The following PINK1 variants were observed in gnomAD, a reference collection of about 807,000 sequenced individuals.
PINK1 encodes the protein PTEN induced kinase 1.
A neutral mutation model predicts 56.0 loss-of-function variants in PINK1; 58 were observed. That is an observed-to-expected ratio of 1.04 (90% CI 0.84 to 1.29). The LOEUF is 1.29. Among genes scored for constraint, PINK1 ranks in the 50% most tolerant of loss-of-function variants. The probability of loss-of-function intolerance (pLI) is 0.00; values close to 1 mark genes in which losing one functional copy is unlikely to be tolerated. For missense variants in PINK1, 745 were observed against 777.9 expected (o/e 0.96, Z 0.50); for synonymous variants, 354 against 339.3 (o/e 1.04, Z -0.48).
chr1:20,638,317 T>G, intron 2 of PINK1, 188 bp downstream of exon 2: 1 of 694,282 alleles, frequency 1.4e-6, no homozygotes, highest in Non-Finnish European at 2.4e-6. Flanking sequence ...AATTGTATTC[T>G]GCCCACAGAT....
intron 6 of PINK1, 156 bp downstream of exon 6, chr1:20,648,788 C>G: frequency 7.2e-7 from 1 of 1,384,044 alleles, no homozygotes; most frequent in Non-Finnish European, 9.9e-7. Context: ...TTTCCTCCGG[C>G]GTTCCCTCAT....
At chr1:20,633,957 G>A (rs1402955265) in intron 1 of PINK1, 22 bp downstream of exon 1, 3 of 1,574,190 alleles carry the variant, frequency 1.9e-6, no homozygotes, top group Non-Finnish European at 2.6e-6. Context: ...CGGGTCCTAA[G>A]CCGAGCGGAG....
chr1:20,649,187 G>C lies in PINK1; in HGVS notation c.1444G>C (p.Val482Leu), dbSNP rs773843241. Residue 482 changes from valine (V) to leucine (L), a missense_variant, in exon 7 of 8, where the codon GTG (valine) becomes CTG (leucine). Transcript: ENST00000321556. Reference sequence around the variant, plus strand: ...ACTGCCCGAGTCAGTGCCTCCAGACGTGAGACAGTTGGTGAGGGCACTGCT... The same window carrying C: ...ACTGCCCGAGTCAGTGCCTCCAGACCTGAGACAGTTGGTGAGGGCACTGCT... ...PALPESVPPD[V>L]RQLVRALLQR... is the part of the protein sequence containing the mutation. 17 of 1,614,064 alleles carry C rather than the reference G, an allele frequency of 1.1e-5. No homozygotes were observed. Among genetic ancestry groups the C allele is most frequent in the East Asian group, 2.2e-5 (1 of 44,880 alleles).
intron 1 of PINK1, 124 bp downstream of exon 1, chr1:20,634,059 A>G: frequency 8.4e-7 from 1 of 1,189,658 alleles, no homozygotes; most frequent in South Asian, 1.4e-5. Flanking sequence ...GGCCGAGGCG[A>G]GGGTCCTTAA....
rs1407784515 is a variant in PINK1 at position 20,641,236 on chromosome 1, C to G, written c.776+1244C>G. 6.6e-6 allele frequency among the ~76,000 whole-genome samples: 1 copy of G among 152,178 alleles called. No homozygotes were observed. The highest frequency in any genetic ancestry group is 1.9e-4 in the East Asian group (1 of 5,190). Reference sequence around the variant, plus strand: ...AGTCCCTGCAGGCCGGTGGAGGTAGCTGCTCAAGTGGCTGCTGCTTCTCCT... The same window carrying G: ...AGTCCCTGCAGGCCGGTGGAGGTAGGTGCTCAAGTGGCTGCTGCTTCTCCT... On this transcript the variant is annotated intron_variant, in intron 3 of 7. Transcript: ENST00000321556. This position sits in a 1 kb window ranked among gnomAD's most constrained non-coding sequence, Gnocchi z 4.0.
chr1:20,639,042 G>A (rs2053086611), intron 2 of PINK1: 1 of 152,372 alleles, frequency 6.6e-6, no homozygotes, highest in South Asian at 2.1e-4. Context: ...CCATTGCTAG[G>A]TAGGTTTTAA....
At chr1:20,645,443 C>G in intron 4 of PINK1, 117 bp from the exon 5 acceptor site, 1 of 1,191,302 alleles carries the variant, frequency 8.4e-7, no homozygotes, top group Non-Finnish European at 1.2e-6. Context: ...GAGCCAAGAT[C>G]GTGCTACTGC....
rs11379920 is a variant in PINK1 at position 20,645,487 on chromosome 1, C to CAA, written c.960-57_960-56dup. 0.14 allele frequency: 155,702 copies of CAA among 1,092,150 alleles called. 1,616 individuals carry two copies. The highest frequency in any genetic ancestry group is 0.21 in the East Asian group (6,957 of 33,742). 67.7% of individuals were successfully genotyped at this position (1,092,150 alleles called of 1,614,324 possible). A position where few individuals can be genotyped will look rare whatever the true frequency, so the allele number is the denominator to read the frequency against. On this transcript the variant is annotated intron_variant, in intron 4 of 7. Transcript: ENST00000321556. ...TTGGCGACAGAGTGAGACTCCATCT[C>CAA]AAAAAAAAAAAAAAAAACGTATTGG...
chr1:20,646,569 G>A (rs1240062014), intron 5 of PINK1, among the ~76,000 whole-genome samples: 6 of 152,088 alleles, frequency 3.9e-5, no homozygotes, highest in South Asian at 2.1e-4. Context: ...GCTTGAACCC[G>A]GGAGGCGGAG....
rs1280878160 is a variant in PINK1, at chr1:20,651,239, A to C, written c.*548A>C. ...GAGCAGTAAGTAAGTAAGTGTGGGG[A>C]TTTAAACTTGAGGGTTTCCCTCCTG... On this transcript the variant is annotated 3_prime_UTR_variant, in exon 8 of 8. Transcript: ENST00000321556. The C allele has an allele frequency of 1.2e-5, 2 of 171,652 alleles. No individual in the cohort carries two copies. The highest frequency in any genetic ancestry group is 5.4e-5 in the Admixed American group (1 of 18,446). 10.6% of individuals were successfully genotyped at this position (171,652 alleles called of 1,614,324 possible).
chr1:20,645,906 A>G (rs568018454), intron 5 of PINK1, among the ~76,000 whole-genome samples, 183 bp downstream of exon 5: 1 of 151,630 alleles, frequency 6.6e-6, no homozygotes, highest in African/African-American at 2.4e-5. Flanking sequence ...CTCTTTGCAG[A>G]GAGACAGCAC....
chr1:20,646,838 T>C (rs578058609), intron 5 of PINK1, among the ~76,000 whole-genome samples: 1 of 149,890 alleles, frequency 6.7e-6, no homozygotes, highest in South Asian at 2.1e-4. Context: ...AATAATTGAC[T>C]AGAGGAACTG....
chr1:20,647,563 C>T (rs1219712507), intron 5 of PINK1, among the ~76,000 whole-genome samples: 7 of 141,920 alleles, frequency 4.9e-5, no homozygotes, highest in Non-Finnish European at 7.5e-5. Context: ...CCCTGCCTAT[C>T]GGGTTCAAGC....
In PINK1 at chr1:20,633,591, C is replaced by T; in HGVS notation, c.43C>T (p.Arg15Ter). 1 of 1,245,110 alleles carries T rather than the reference C, an allele frequency of 8.0e-7. No homozygotes were observed. 77.1% of individuals were successfully genotyped at this position (1,245,110 alleles called of 1,614,324 possible). A position where few individuals can be genotyped will look rare whatever the true frequency, so the allele number is the denominator to read the frequency against. The change falls in exon 1 of 8, where the codon CGA becomes TGA. Residue 15 changes from arginine to a stop codon, truncating the protein, a stop_gained. Transcript: ENST00000321556. LOFTEE classifies it high-confidence loss of function. ...QALGRGLQLG[R>*]ALLLRFTGKP... ...GCTGGGCCGCGGCCTGCAGCTGGGT[C>T]GAGCGCTGCTGCTGCGCTTCACGGG...
Position 20,650,466 on chromosome 1 carries a change from T to C in PINK1, c.1521T>C (p.Leu507=). ...RPSARVAANV[L]HLSLWGEHIL... The stretch of plus-strand genomic sequence containing the variant: ...CTGCCCGAGTAGCCGCAAATGTGCT[T>C]CATCTAAGCCTCTGGGGTGAACATA... The change falls in exon 8 of 8, where the codon CTT becomes CTC. Residue 507 remains leucine (L), a synonymous_variant. Coordinates refer to ENST00000321556, the MANE Select transcript of PINK1 (RefSeq NM_032409.3). 6.2e-7 allele frequency: 1 copy of C among 1,614,038 alleles called. No homozygotes were observed. Among genetic ancestry groups the C allele is most frequent in the Non-Finnish European group, 8.5e-7 (1 of 1,179,932 alleles).
chr1:20,633,750 CG>C lies in PINK1; in HGVS notation c.203del (p.Arg68ProfsTer39). The C allele has an allele frequency of 6.5e-7, 1 of 1,545,272 alleles. No individual in the cohort carries two copies. The highest frequency in any genetic ancestry group is 1.2e-5 in the South Asian group (1 of 84,700). On this transcript the variant is annotated frameshift_variant, in exon 1 of 8. Coordinates refer to ENST00000321556, the MANE Select transcript of PINK1 (RefSeq NM_032409.3). LOFTEE classifies it high-confidence loss of function. ...CGGGCTCGGGCTCCCTAACCGTCTC[CG>C]CTTCTTCCGCCAGTCGGTGGCCGGG... The part of the protein sequence containing the change: ...RVGLGLPNRL[R>X]FFRQSVAGLA...
At chr1:20,650,389 C>T in intron 7 of PINK1, 45 bp from the exon 8 acceptor site, 1 of 1,611,480 alleles carries the variant, frequency 6.2e-7, no homozygotes. Flanking sequence ...TGGGTTGAGA[C>T]TGTGTTAACA....
intron 1 of PINK1, 22 bp downstream of exon 1, chr1:20,633,957 G>C: frequency 1.9e-6 from 3 of 1,574,296 alleles, no homozygotes; most frequent in South Asian, 2.3e-5. Context: ...CGGGTCCTAA[G>C]CCGAGCGGAG....
At position 20,633,875 on chromosome 1, in the gene PINK1, C is replaced by A; in HGVS notation, c.327C>A (p.Gly109=). The part of the protein sequence containing the change: ...AVFLAFGLGL[G]LIEEKQAESR... ...TTCTGGCCTTCGGGCTAGGGCTGGG[C>A]CTCATCGAGGAAAAACAGGCGGAGA... The change falls in exon 1 of 8, where the codon GGC becomes GGA. Residue 109 remains glycine (G), a synonymous_variant. Coordinates refer to ENST00000321556, the MANE Select transcript of PINK1 (RefSeq NM_032409.3). 6.3e-7 allele frequency: 1 copy of A among 1,580,684 alleles called. No individual in the cohort carries two copies.
Sources: allele counts gnomAD v4.1 joint callset (sites outside exome capture counted in the v4.1 genomes callset), GRCh38; gene constraint gnomAD v4.1.1; non-coding constraint Gnocchi (gnomAD v3.1); transcripts MANE v1.5; gene names NCBI Gene and HGNC (gene_info 2026-07-23, HGNC 2026-07-21).